MDGA2: variants seen among roughly 807,000 people sequenced by gnomAD.
MDGA2 encodes MAM domain containing glycosylphosphatidylinositol anchor 2.
In MDGA2, 40 loss-of-function variants were observed where a neutral mutation model predicts 117.8. That is an observed-to-expected ratio of 0.34 (90% CI 0.26 to 0.44). The LOEUF (loss-of-function observed/expected upper bound fraction) is 0.44. Among genes scored for constraint, MDGA2 ranks in the 20% least tolerant of loss-of-function variants. The probability of loss-of-function intolerance (pLI) is 1.00; values close to 1 mark genes in which losing one functional copy is unlikely to be tolerated. For synonymous variants in MDGA2, 452 were observed against 439.0 expected, an observed-to-expected ratio of 1.03 and a Z score of -0.37; for missense variants, 1,123 against 1,250.6, an observed-to-expected ratio of 0.90 and a Z score of 1.54.
intron 1 of MDGA2, among the ~76,000 whole-genome samples, chr14:47,518,310 A>T (rs977773561): frequency 6.6e-6 from 1 of 152,206 alleles, no homozygotes; most frequent in Non-Finnish European, 1.5e-5. Context: ...TTTCTTTTTA[A>T]TAAGAAGAGA....
chr14:46,867,330 G>A (rs1174217697), intron 14 of MDGA2, among the ~76,000 whole-genome samples: 1 of 152,092 alleles, frequency 6.6e-6, no homozygotes, highest in African/African-American at 2.4e-5. Flanking sequence ...CTCATAGGTG[G>A]GAATTGAACA....
At chr14:46,953,920 TAATCTCTGGTGCTGTCAACCG>T (rs1885461470) in intron 9 of MDGA2, among the ~76,000 whole-genome samples, 1 of 152,124 alleles carries the variant, frequency 6.6e-6, no homozygotes, top group Admixed American at 6.6e-5. Flanking sequence ...GCATCTTCAT[TAATCTCTGGTGCTGTCAACCG>T]AATCTACCAG....
intron 3 of MDGA2, among the ~76,000 whole-genome samples, chr14:47,164,758 C>T (rs1231873192): frequency 6.6e-6 from 1 of 152,128 alleles, no homozygotes; most frequent in Non-Finnish European, 1.5e-5. Flanking sequence ...TGGGTATATA[C>T]CCAAAAGATT....
intron 1 of MDGA2, among the ~76,000 whole-genome samples, chr14:47,491,444 G>C (rs922072748): frequency 6.6e-6 from 1 of 152,052 alleles, no homozygotes; most frequent in East Asian, 1.9e-4. Flanking sequence ...ATATGAAAGA[G>C]GCACCAAGAT....
chr14:47,485,539 G>A (rs1330684807), intron 1 of MDGA2, among the ~76,000 whole-genome samples: 1 of 152,152 alleles, frequency 6.6e-6, no homozygotes, highest in African/African-American at 2.4e-5. Context: ...CATAAGTAAG[G>A]AGGAGCCAAA....
chr14:46,957,797 A>T (rs2138257305), intron 8 of MDGA2, among the ~76,000 whole-genome samples, 154 bp from the exon 9 acceptor site: 1 of 152,308 alleles, frequency 6.6e-6, no homozygotes, highest in South Asian at 2.1e-4. Context: ...CAGAAATTTT[A>T]GCTTGGGTTG....
In MDGA2 at chr14:47,505,883, T is replaced by C. The variant is rs550528030; in HGVS notation, c.280+168634A>G. On this transcript the variant is annotated intron_variant, in intron 1 of 16. Coordinates refer to ENST00000399232, the MANE Select transcript of MDGA2 (RefSeq NM_001113498.3). ...CTAAATTTAGAAAAATAATAATCAATTTACTCACACATTCACCAAATGAGT... is the reference window on the plus strand; with the variant it reads ...CTAAATTTAGAAAAATAATAATCAACTTACTCACACATTCACCAAATGAGT... Among the ~76,000 whole-genome samples the C allele has an allele frequency of 6.6e-5, 10 of 152,274 alleles. No individual in the cohort carries two copies. In the East Asian group the frequency reaches 1.9e-3, roughly 29 times the overall value.
chr14:46,981,355 G>A (rs796194880), intron 8 of MDGA2, among the ~76,000 whole-genome samples: 52 of 152,040 alleles, frequency 3.4e-4, no homozygotes, highest in African/African-American at 1.2e-3. Flanking sequence ...AGTGAGCAGA[G>A]ATAGCACCAC....
At chr14:47,213,687 T>A (rs1465870922) in intron 3 of MDGA2, among the ~76,000 whole-genome samples, 2 of 152,188 alleles carry the variant, frequency 1.3e-5, no homozygotes, top group African/African-American at 4.8e-5. Context: ...TAAGAGCTAT[T>A]TTATATTCTC....
At chr14:47,513,536 T>C (rs148433977) in intron 1 of MDGA2, among the ~76,000 whole-genome samples, 1 of 152,184 alleles carries the variant, frequency 6.6e-6, no homozygotes, top group Non-Finnish European at 1.5e-5. Context: ...TAGTGATTTT[T>C]TTCTACCCAC....
At chr14:47,369,982 T>C (rs938183630) in intron 1 of MDGA2, among the ~76,000 whole-genome samples, 1 of 152,050 alleles carries the variant, frequency 6.6e-6, no homozygotes, top group African/African-American at 2.4e-5. Context: ...TAAAATGTTA[T>C]TCCTTATTCA....
At chr14:47,605,305 G>C (rs1189691893) in intron 1 of MDGA2, among the ~76,000 whole-genome samples, 1 of 152,110 alleles carries the variant, frequency 6.6e-6, no homozygotes, top group African/African-American at 2.4e-5. Context: ...AAGAAAAATA[G>C]TTAAGTGGCA....
intron 1 of MDGA2, among the ~76,000 whole-genome samples, chr14:47,454,450 A>G (rs542317319): frequency 2.2e-4 from 33 of 152,340 alleles, no homozygotes; most frequent in African/African-American, 5.8e-4. Flanking sequence ...TAATACTTTA[A>G]ATACATAAAA....
intron 3 of MDGA2, among the ~76,000 whole-genome samples, chr14:47,146,357 CA>C (rs1200985470): frequency 1.3e-5 from 2 of 152,080 alleles, no homozygotes. Flanking sequence ...TTTAAATTTA[CA>C]GAACAACTGC....
intron 1 of MDGA2, among the ~76,000 whole-genome samples, chr14:47,329,762 T>C (rs546456213): frequency 8.5e-5 from 13 of 152,102 alleles, no homozygotes; most frequent in Non-Finnish European, 1.3e-4. Flanking sequence ...CACGAACAGA[T>C]AGTGAAAAAT....
At chr14:47,045,703 G>T (rs1032885033) in intron 7 of MDGA2, among the ~76,000 whole-genome samples, 3 of 152,080 alleles carry the variant, frequency 2.0e-5, no homozygotes, top group African/African-American at 7.2e-5. Context: ...AGTGATTCAC[G>T]CCTGTAATTC....
intron 2 of MDGA2, among the ~76,000 whole-genome samples, chr14:47,288,010 T>C (rs565629823): frequency 1.2e-4 from 19 of 152,286 alleles, no homozygotes; most frequent in African/African-American, 4.3e-4. Flanking sequence ...AGAGGGATGA[T>C]GGCCCTCCTG....
chr14:47,637,353 CTATT>C (rs1220044386), intron 1 of MDGA2, among the ~76,000 whole-genome samples: 1 of 152,146 alleles, frequency 6.6e-6, no homozygotes, highest in Non-Finnish European at 1.5e-5. Context: ...TATGAATAAA[CTATT>C]TAACTTTGGC....
intron 2 of MDGA2, among the ~76,000 whole-genome samples, chr14:47,234,705 A>G (rs1019458814): frequency 1.3e-5 from 2 of 152,150 alleles, no homozygotes; most frequent in Non-Finnish European, 2.9e-5. Flanking sequence ...ATACATTTAT[A>G]CATTCATTAT....
Sources: gnomAD v4.1 joint callset for allele counts (sites outside exome capture counted in the v4.1 genomes callset) on GRCh38, gnomAD v4.1.1 for gene constraint, MANE v1.5 for transcripts, NCBI Gene and HGNC (gene_info 2026-07-23, HGNC 2026-07-21) for gene names.